PCDHA4: variants seen among roughly 807,000 people sequenced by gnomAD.
PCDHA4 encodes the protein protocadherin alpha 4, also known as protocadherin alpha-4.
In PCDHA4, 49 loss-of-function variants were observed where a neutral mutation model predicts 61.4. That is an observed-to-expected ratio of 0.80 (90% CI 0.63 to 1.01). The LOEUF (loss-of-function observed/expected upper bound fraction) is 1.01. Ranked by LOEUF, PCDHA4 falls within the 50% of genes least tolerant of loss-of-function variation. PCDHA4 has a pLI of 0.00. For synonymous variants in PCDHA4, 590 were observed against 550.3 expected, an observed-to-expected ratio of 1.07 and a Z score of -1.01; for missense variants, 1,254 against 1,235.8, an observed-to-expected ratio of 1.01 and a Z score of -0.22.
At position 140,985,761 on chromosome 5, in the gene PCDHA4, A is replaced by C. The variant is rs1239020885; in HGVS notation, c.2533+3198A>C. On this transcript the variant is annotated intron_variant, in intron 3 of 3. Transcript: ENST00000530339. ...TTCCTTTTTTTTTTTTTTTTTTTTGAGACAGTCTCGCTCTGTCGCCCAGGC... is the reference window on the plus strand; with the variant it reads ...TTCCTTTTTTTTTTTTTTTTTTTTGCGACAGTCTCGCTCTGTCGCCCAGGC... 7.9e-5 allele frequency among the ~76,000 whole-genome samples: 5 copies of C among 63,266 alleles called. No individual in the cohort carries two copies. In the East Asian group the frequency reaches 3.3e-3, roughly 41 times the overall value. 41.5% of individuals were successfully genotyped at this position (63,266 alleles called of 152,430 possible). A position where few individuals can be genotyped will look rare whatever the true frequency, so the allele number is the denominator to read the frequency against.
rs35184029 is a variant in PCDHA4 at position 140,997,668 on chromosome 5, TTGTGTG to T, written c.2534-11935_2534-11930del. Among the ~76,000 whole-genome samples the T allele has an allele frequency of 3.7e-4, 55 of 148,336 alleles. 1 individual carries two copies. The South Asian group carries it at 5.8e-3, about 16-fold the overall frequency. On this transcript the variant is annotated intron_variant, in intron 3 of 3. Coordinates refer to ENST00000530339, the MANE Select transcript of PCDHA4 (RefSeq NM_018907.4). ...AATGCAATATGTATTATTATACAGC[TTGTGTG>T]TGTGTGTGTGTGTGTGTGTGTGTAT...
chr5:140,833,460 T>A (rs1440945863), intron 1 of PCDHA4, among the ~76,000 whole-genome samples: 1 of 152,148 alleles, frequency 6.6e-6, no homozygotes, highest in African/African-American at 2.4e-5. Context: ...AAAATAAACT[T>A]ACATTTTAAA....
intron 1 of PCDHA4, chr5:140,854,282 G>A: frequency 1.9e-6 from 1 of 533,858 alleles, no homozygotes; most frequent in African/African-American, 2.1e-5. Context: ...ATTGAGTTTA[G>A]TTTTTATTAT....
intron 1 of PCDHA4, chr5:140,834,131 C>A (rs2150213699): frequency 6.7e-6 from 3 of 446,202 alleles, no homozygotes; most frequent in South Asian, 5.1e-5. Context: ...AACTTTTCAT[C>A]TGATTAATAG....
chr5:140,905,342 TGTAA>T (rs2071759657), intron 1 of PCDHA4, among the ~76,000 whole-genome samples: 1 of 152,234 alleles, frequency 6.6e-6, no homozygotes, highest in Non-Finnish European at 1.5e-5. Context: ...ATCAGTTGGC[TGTAA>T]GTATTTGACT....
At chr5:140,854,958 C>T (rs1554147522) in intron 1 of PCDHA4, among the ~76,000 whole-genome samples, 2 of 149,742 alleles carry the variant, frequency 1.3e-5, no homozygotes, top group African/African-American at 2.4e-5. Context: ...TTCTTAATTA[C>T]TTTATTCAGA....
At chr5:140,879,303 G>A (rs2057936117) in intron 1 of PCDHA4, among the ~76,000 whole-genome samples, 1 of 152,184 alleles carries the variant, frequency 6.6e-6, no homozygotes. Flanking sequence ...AAAAACAAAA[G>A]TAGAAGTTGA....
At position 140,851,049 on chromosome 5, in the gene PCDHA4, T is replaced by C. The variant is rs114642351; in HGVS notation, c.2385+41477T>C. 2.7e-3 allele frequency: 3,765 copies of C among 1,386,504 alleles called. 305 individuals are homozygous for C. The highest frequency in any genetic ancestry group is 3.1e-3 in the Non-Finnish European group (3,266 of 1,057,356). The allele number at this position is 1,386,504 out of a possible 1,614,324, so 85.9% of individuals were successfully genotyped here. On this transcript the variant is annotated intron_variant, in intron 1 of 3. Coordinates refer to ENST00000530339, the MANE Select transcript of PCDHA4 (RefSeq NM_018907.4). ...AACCCCTTAACATTGGAGCCGACTTTGTCTTGACTTCTAGTGAGAATTATA... is the reference window on the plus strand; with the variant it reads ...AACCCCTTAACATTGGAGCCGACTTCGTCTTGACTTCTAGTGAGAATTATA...
chr5:140,920,060 G>T (rs565038135), intron 1 of PCDHA4, among the ~76,000 whole-genome samples: 1 of 152,264 alleles, frequency 6.6e-6, no homozygotes, highest in African/African-American at 2.4e-5. Context: ...CCAACACCTG[G>T]AAAAGGCAGA....
intron 1 of PCDHA4, among the ~76,000 whole-genome samples, chr5:140,923,708 T>C (rs1554201570): frequency 1.3e-5 from 2 of 152,216 alleles, no homozygotes; most frequent in Non-Finnish European, 2.9e-5. Context: ...CCAATTTACT[T>C]GAATAAGAAT....
intron 3 of PCDHA4, among the ~76,000 whole-genome samples, chr5:140,996,581 A>C (rs1554255228): frequency 6.6e-6 from 1 of 152,118 alleles, no homozygotes; most frequent in Non-Finnish European, 1.5e-5. Flanking sequence ...ATTTGTTAAC[A>C]AGGGCCGCCT....
At chr5:140,885,809 T>G (rs1208963596) in intron 1 of PCDHA4, among the ~76,000 whole-genome samples, 1 of 152,320 alleles carries the variant, frequency 6.6e-6, no homozygotes, top group African/African-American at 2.4e-5. Flanking sequence ...ATTTTGTTGA[T>G]TTGTATTTGA....
intron 2 of PCDHA4, among the ~76,000 whole-genome samples, chr5:140,979,729 C>CA: frequency 6.6e-6 from 1 of 152,232 alleles, no homozygotes; most frequent in African/African-American, 2.4e-5. Flanking sequence ...GCCATGGGGC[C>CA]AAATAAAAGA....
At chr5:140,970,565 T>C (rs1346006828) in intron 1 of PCDHA4, among the ~76,000 whole-genome samples, 2 of 152,182 alleles carry the variant, frequency 1.3e-5, no homozygotes, top group Non-Finnish European at 2.9e-5. Flanking sequence ...TCTCCATATG[T>C]ATGCTTGAAA....
intron 1 of PCDHA4, chr5:140,865,648 T>C (rs769799199): frequency 2.6e-5 from 4 of 152,194 alleles, no homozygotes; most frequent in Non-Finnish European, 4.4e-5. Flanking sequence ...AAATACATTA[T>C]TTCATTTAAT....
At chr5:140,868,764 T>G (rs1202050223) in intron 1 of PCDHA4, 2 of 238,724 alleles carry the variant, frequency 8.4e-6, no homozygotes, top group Non-Finnish European at 1.6e-5. Flanking sequence ...ATATATTTAG[T>G]TTCAATATGA....
rs527281567 is a variant in PCDHA4 at position 140,992,060 on chromosome 5, A to T, written c.2533+9497A>T. Among the ~76,000 whole-genome samples the T allele has an allele frequency of 3.3e-3, 484 of 147,642 alleles. 5 individuals are homozygous for T. Among genetic ancestry groups the T allele is most frequent in the South Asian group, 0.015 (69 of 4,700 alleles). On this transcript the variant is annotated intron_variant, in intron 3 of 3. Transcript: ENST00000530339. The stretch of plus-strand genomic sequence containing the variant: ...GTGTGTGTGTGTGTGTGTGTAAGTT[A>T]ATTTCAGTAGAGAATGAGCTAGAGT...
intron 3 of PCDHA4, among the ~76,000 whole-genome samples, chr5:141,002,021 C>T (rs1177146388): frequency 6.6e-6 from 1 of 152,184 alleles, no homozygotes; most frequent in Non-Finnish European, 1.5e-5. Context: ...GCACAGCCTT[C>T]GGTGCCCTGA....
At position 140,807,835 on chromosome 5, in the gene PCDHA4, T is replaced by G; in HGVS notation, c.648T>G (p.Asp216Glu). ...PEIFLVLTAT[D>E]GGKPELTGTV... Reference sequence around the variant, plus strand: ...TTTTTTTAGTGCTCACAGCCACTGATGGAGGCAAACCCGAGTTGACTGGCA... The same window carrying G: ...TTTTTTTAGTGCTCACAGCCACTGAGGGAGGCAAACCCGAGTTGACTGGCA... The change falls in exon 1 of 4, where the codon GAT (aspartate) becomes GAG (glutamate). Residue 216 changes from aspartate (D) to glutamate (E), a missense_variant. Asp to Glu is a conservative substitution (Grantham distance 45, BLOSUM62 2). Coordinates refer to ENST00000530339, the MANE Select transcript of PCDHA4 (RefSeq NM_018907.4). The G allele has an allele frequency of 6.2e-7, 1 of 1,614,194 alleles. No individual in the cohort carries two copies. The highest frequency in any genetic ancestry group is 8.5e-7 in the Non-Finnish European group (1 of 1,180,040).
Sources: allele counts gnomAD v4.1 joint callset (sites outside exome capture counted in the v4.1 genomes callset), GRCh38; gene constraint gnomAD v4.1.1; transcripts MANE v1.5; gene names NCBI Gene and HGNC (gene_info 2026-07-23, HGNC 2026-07-21).